MYO1D: variants seen among roughly 807,000 people sequenced by gnomAD.
The protein encoded by MYO1D is myosin ID.
MYO1D carries 83 observed loss-of-function variants against 122.0 expected under a neutral mutation model. The observed-to-expected ratio is 0.68, with a 90% confidence interval of 0.57 to 0.82. The LOEUF is 0.82. MYO1D is among the 40% of genes least tolerant of loss of function. The probability of loss-of-function intolerance (pLI) is 0.00; values close to 1 mark genes in which losing one functional copy is unlikely to be tolerated. For synonymous variants in MYO1D, 464 were observed against 446.9 expected, an observed-to-expected ratio of 1.04 and a Z score of -0.48; for missense variants, 1,157 against 1,269.5, an observed-to-expected ratio of 0.91 and a Z score of 1.35.
intron 1 of MYO1D, among the ~76,000 whole-genome samples, chr17:32,864,257 C>T (rs1394891145): frequency 6.6e-6 from 1 of 151,754 alleles, no homozygotes; most frequent in Non-Finnish European, 1.5e-5. Flanking sequence ...GCTCCTCAGG[C>T]ACCTCCATGA....
intron 1 of MYO1D, among the ~76,000 whole-genome samples, chr17:32,784,170 A>G (rs2090268693): frequency 6.6e-6 from 1 of 152,174 alleles, no homozygotes. Flanking sequence ...CCATCTACCA[A>G]CAACACTTCC....
chr17:32,526,072 C>G (rs144932180), intron 21 of MYO1D, among the ~76,000 whole-genome samples: 1 of 152,212 alleles, frequency 6.6e-6, no homozygotes, highest in African/African-American at 2.4e-5. Flanking sequence ...CTTTTAGGAG[C>G]CTTTCCGATC....
intron 1 of MYO1D, among the ~76,000 whole-genome samples, chr17:32,785,452 T>C (rs2090283804): frequency 6.6e-6 from 1 of 152,236 alleles, no homozygotes. Flanking sequence ...TCCTTCCTTT[T>C]TGAATTTAAA....
intron 21 of MYO1D, among the ~76,000 whole-genome samples, chr17:32,581,253 C>A: frequency 6.6e-6 from 1 of 151,962 alleles, no homozygotes; most frequent in East Asian, 1.9e-4. Flanking sequence ...TCTTTTGTTA[C>A]GCAGTTAATA....
At chr17:32,634,350 C>G (rs917689857) in intron 20 of MYO1D, among the ~76,000 whole-genome samples, 2 of 152,160 alleles carry the variant, frequency 1.3e-5, no homozygotes, top group Non-Finnish European at 2.9e-5. Flanking sequence ...CAAGGAGGGG[C>G]AAAGGAGGAT....
chr17:32,699,182 C>T (rs2089214006), intron 16 of MYO1D, among the ~76,000 whole-genome samples: 1 of 152,098 alleles, frequency 6.6e-6, no homozygotes, highest in East Asian at 1.9e-4. Context: ...CCAGGCTGGT[C>T]TCGAACTCCC....
At chr17:32,718,847 C>T (rs1352232348) in intron 15 of MYO1D, among the ~76,000 whole-genome samples, 3 of 152,162 alleles carry the variant, frequency 2.0e-5, no homozygotes, top group African/African-American at 7.2e-5. Flanking sequence ...GGACCTCCTC[C>T]TCTTCACTAT....
intron 14 of MYO1D, among the ~76,000 whole-genome samples, chr17:32,737,408 T>TG (rs1362318072): frequency 6.6e-6 from 1 of 151,810 alleles, no homozygotes; most frequent in African/African-American, 2.4e-5. Context: ...TCACCCAGAC[T>TG]GGAGTGTAGT....
intron 14 of MYO1D, among the ~76,000 whole-genome samples, chr17:32,730,019 A>C (rs911260159): frequency 2.0e-5 from 3 of 151,690 alleles, no homozygotes; most frequent in Non-Finnish European, 4.4e-5. Context: ...TTACTAATAT[A>C]TTTATATTTG....
In MYO1D at chr17:32,864,007, C is replaced by CTTTTTTTTTT. The variant is rs560953120; in HGVS notation, c.95+12761_95+12770dup. ...TAATTTTGGTTACAAACATTTCTTC[C>CTTTTTTTTTT]TTTTTTTTTTTTTTTTTTTTTTTTT... On this transcript the variant is annotated intron_variant, in intron 1 of 21. Coordinates refer to ENST00000318217, the MANE Select transcript of MYO1D (RefSeq NM_015194.3). 6.5e-3 allele frequency among the ~76,000 whole-genome samples: 320 copies of CTTTTTTTTTT among 48,974 alleles called. 98 individuals are homozygous for CTTTTTTTTTT. The highest frequency in any genetic ancestry group is 0.019 in the Middle Eastern group (2 of 104). 32.1% of individuals were successfully genotyped at this position (48,974 alleles called of 152,430 possible). A position where few individuals can be genotyped will look rare whatever the true frequency, so the allele number is the denominator to read the frequency against.
At chr17:32,511,457 T>C (rs1176161222) in intron 21 of MYO1D, among the ~76,000 whole-genome samples, 7 of 152,256 alleles carry the variant, frequency 4.6e-5, no homozygotes, top group Admixed American at 3.3e-4. Context: ...CCAGGCTGGT[T>C]TGGCCTCCCA....
intron 20 of MYO1D, among the ~76,000 whole-genome samples, chr17:32,630,701 T>TA (rs2087992992): frequency 6.6e-6 from 1 of 152,112 alleles, no homozygotes; most frequent in South Asian, 2.1e-4. Context: ...GCCTCCCGAT[T>TA]AGCTGGGACT....
intron 21 of MYO1D, among the ~76,000 whole-genome samples, chr17:32,565,559 G>A (rs77357211): frequency 0.034 from 5,200 of 152,242 alleles, 95 homozygotes; most frequent in Middle Eastern, 0.075. Context: ...TCATATGGCC[G>A]GTGACATAAT....
chr17:32,753,038 GA>G (rs1353920542), intron 11 of MYO1D, among the ~76,000 whole-genome samples: 1 of 152,150 alleles, frequency 6.6e-6, no homozygotes, highest in African/African-American at 2.4e-5. Context: ...ATCGACAAAT[GA>G]TTGGATAGAA....
At chr17:32,788,226 A>G (rs1280892386) in intron 1 of MYO1D, among the ~76,000 whole-genome samples, 1 of 152,128 alleles carries the variant, frequency 6.6e-6, no homozygotes, top group African/African-American at 2.4e-5. Context: ...AGCTACGCCA[A>G]TATCTGTTAT....
rs1427309443 is a variant in MYO1D, at chr17:32,550,964, TC to T, written c.2864+54122del. Among the ~76,000 whole-genome samples, 9 of 82,280 alleles carry T rather than the reference TC, an allele frequency of 1.1e-4. No individual in the cohort carries two copies. In the South Asian group the frequency reaches 3.1e-3, roughly 29 times the overall value. The allele number at this position is 82,280 out of a possible 152,430, so 54.0% of individuals were successfully genotyped here. ...CCTTCCAGCCCTAGGCAACAGAGTG[TC>T]AAAAAAAAGAGAAAGAAATGATAAT... On this transcript the variant is annotated intron_variant, in intron 21 of 21. Transcript: ENST00000318217.
chr17:32,857,107 C>A (rs1213890909), intron 1 of MYO1D, among the ~76,000 whole-genome samples: 1 of 152,164 alleles, frequency 6.6e-6, no homozygotes, highest in Non-Finnish European at 1.5e-5. Context: ...GTGTTTCATA[C>A]CTGTATAACA....
chr17:32,795,979 T>G (rs1472726251), intron 1 of MYO1D, among the ~76,000 whole-genome samples: 1 of 152,108 alleles, frequency 6.6e-6, no homozygotes. Context: ...TAGCGCGCTC[T>G]CGGGGTTCGA....
intron 21 of MYO1D, among the ~76,000 whole-genome samples, chr17:32,583,419 T>C (rs935399492): frequency 1.3e-5 from 2 of 152,172 alleles, no homozygotes; most frequent in Non-Finnish European, 2.9e-5. Flanking sequence ...ATAGTTTTCA[T>C]CAAATTTGGA....
Sources: gnomAD v4.1 joint callset for allele counts (sites outside exome capture counted in the v4.1 genomes callset) on GRCh38, gnomAD v4.1.1 for gene constraint, MANE v1.5 for transcripts, NCBI Gene and HGNC (gene_info 2026-07-23, HGNC 2026-07-21) for gene names.